CEP192: variants seen among roughly 807,000 people sequenced by gnomAD.
CEP192 encodes centrosomal protein of 192 kDa.
CEP192 carries 151 observed loss-of-function variants against 271.8 expected under a neutral mutation model. The observed-to-expected ratio is 0.56, with a 90% confidence interval of 0.49 to 0.64. The LOEUF is 0.64. Among genes scored for constraint, CEP192 ranks in the 30% least tolerant of loss-of-function variants. The probability of loss-of-function intolerance (pLI) is 0.00; values close to 1 mark genes in which losing one functional copy is unlikely to be tolerated. For synonymous variants in CEP192, 995 were observed against 1,076.5 expected (o/e 0.92, Z 1.48); for missense variants, 2,910 against 3,020.5 (o/e 0.96, Z 0.86).
intron 4 of CEP192, among the ~76,000 whole-genome samples, chr18:13,012,094 A>T (rs1301373671): frequency 6.6e-6 from 1 of 152,254 alleles, no homozygotes; most frequent in Admixed American, 6.5e-5. Context: ...GGAAATCTAT[A>T]GATACAGAAT....
At chr18:13,120,832 G>A (rs2040626038) in intron 44 of CEP192, among the ~76,000 whole-genome samples, 1 of 152,206 alleles carries the variant, frequency 6.6e-6, no homozygotes, top group African/African-American at 2.4e-5. Flanking sequence ...TAAAGTATGA[G>A]TAAGAAAATC....
chr18:13,069,265 T>C, intron 26 of CEP192, 84 bp downstream of exon 26: 2 of 1,176,510 alleles, frequency 1.7e-6, no homozygotes, highest in Non-Finnish European at 2.5e-6. Context: ...GTTGTGCTCT[T>C]CCTGGCCCAA....
chr18:13,011,192 A>C (rs1472014497), intron 4 of CEP192, among the ~76,000 whole-genome samples: 4 of 150,042 alleles, frequency 2.7e-5, no homozygotes, highest in Non-Finnish European at 4.4e-5. Flanking sequence ...GTGCCACTGC[A>C]TTCCAGCCTG....
chr18:13,030,611 A>T lies in CEP192; in HGVS notation c.1534+3A>T. On this transcript the variant is annotated splice_donor_region_variant and intron_variant, in intron 11 of 44. Coordinates refer to ENST00000506447, the MANE Select transcript of CEP192 (RefSeq NM_032142.4). ...GAATGAAGACTTCAGATCTGGTTGT[A>T]AGTATATGGATAAACATTTATTATA... 1 of 1,591,830 alleles carries T rather than the reference A, an allele frequency of 6.3e-7. No homozygotes were observed. Among genetic ancestry groups the T allele is most frequent in the Non-Finnish European group, 8.6e-7 (1 of 1,162,060 alleles).
chr18:13,050,831 C>T (rs541199098), intron 17 of CEP192, among the ~76,000 whole-genome samples: 10 of 152,264 alleles, frequency 6.6e-5, no homozygotes, highest in African/African-American at 1.7e-4. Context: ...CCACCTGCCT[C>T]GGCCTCCCAA....
chr18:13,084,988 T>G (rs963810103), intron 30 of CEP192, among the ~76,000 whole-genome samples: 9 of 150,062 alleles, frequency 6.0e-5, no homozygotes, highest in African/African-American at 1.7e-4. Flanking sequence ...GCTAATTTTT[T>G]GGGTTTTTTT....
At chr18:13,107,991 A>T (rs1046910766) in intron 40 of CEP192, among the ~76,000 whole-genome samples, 3 of 152,138 alleles carry the variant, frequency 2.0e-5, no homozygotes, top group Non-Finnish European at 2.9e-5. Flanking sequence ...CCAGAAATAA[A>T]GCCACAAACC....
At chr18:13,030,038 T>C in intron 10 of CEP192, 36 bp downstream of exon 10, 3 of 1,378,456 alleles carry the variant, frequency 2.2e-6, no homozygotes, top group South Asian at 1.3e-5. Flanking sequence ...GTGAAAGAAA[T>C]AGATGTTCAT....
intron 13 of CEP192, among the ~76,000 whole-genome samples, chr18:13,040,203 G>A (rs1398937104): frequency 1.3e-5 from 2 of 152,190 alleles, no homozygotes; most frequent in Non-Finnish European, 2.9e-5. Context: ...AAGTGATGAC[G>A]TTTTATTTGC....
intron 3 of CEP192, among the ~76,000 whole-genome samples, chr18:13,008,016 A>C (rs773666032): frequency 7.9e-5 from 12 of 152,256 alleles, no homozygotes; most frequent in Non-Finnish European, 1.8e-4. Context: ...GGTAGAAAGA[A>C]AGATAAGGAC....
chr18:13,083,382 A>C (rs1039666813), intron 30 of CEP192, among the ~76,000 whole-genome samples: 19 of 152,202 alleles, frequency 1.2e-4, no homozygotes, highest in Non-Finnish European at 1.5e-5. Flanking sequence ...AATCACTGAT[A>C]TCCTTTCGCC....
chr18:13,087,667 A>T, intron 32 of CEP192, 21 bp downstream of exon 32: 1 of 1,258,730 alleles, frequency 7.9e-7, no homozygotes, highest in South Asian at 1.4e-5. Context: ...TATCTTACAC[A>T]ATGTTGGGAA....
intron 3 of CEP192, 100 bp from the exon 4 acceptor site, chr18:13,008,356 T>G: frequency 1.3e-6 from 1 of 799,834 alleles, no homozygotes; most frequent in Non-Finnish European, 2.0e-6. Flanking sequence ...TTCCATTTTT[T>G]CTTTTTAAGA....
chr18:13,061,952 T>C (rs2037430935), intron 21 of CEP192, among the ~76,000 whole-genome samples: 1 of 152,218 alleles, frequency 6.6e-6, no homozygotes, highest in African/African-American at 2.4e-5. Flanking sequence ...TATATCAGAC[T>C]GTTGAGCCTA....
Position 13,040,989 on chromosome 18 carries a change from CT to C in CEP192, c.1936+41del, listed in dbSNP as rs747431646. On this transcript the variant is annotated intron_variant, in intron 14 of 44. Coordinates refer to ENST00000506447, the MANE Select transcript of CEP192 (RefSeq NM_032142.4). ...ATTCAATGAAGGGGCTTTTAGGAAT[CT>C]TTTTTTTCTTAAATGCGTAACTTAG... The C allele has an allele frequency of 1.7e-5, 26 of 1,572,176 alleles. No individual in the cohort carries two copies. In the African/African-American group the frequency reaches 1.8e-4, roughly 11 times the overall value.
chr18:13,038,083 C>G (rs528841633), intron 12 of CEP192, among the ~76,000 whole-genome samples: 79 of 151,724 alleles, frequency 5.2e-4, no homozygotes, highest in African/African-American at 1.9e-3. Flanking sequence ...ACATGAGTCT[C>G]CCATCTTGGC....
At chr18:13,078,231 C>T (rs1318483741) in intron 30 of CEP192, among the ~76,000 whole-genome samples, 1 of 152,134 alleles carries the variant, frequency 6.6e-6, no homozygotes, top group Non-Finnish European at 1.5e-5. Flanking sequence ...TGGTTTCTAG[C>T]TTCATCCATG....
intron 15 of CEP192, among the ~76,000 whole-genome samples, chr18:13,047,347 T>C (rs1253676348): frequency 1.3e-5 from 2 of 150,800 alleles, no homozygotes; most frequent in Non-Finnish European, 2.9e-5. Context: ...GGTATCTTTC[T>C]CTCCCTCAAA....
intron 30 of CEP192, among the ~76,000 whole-genome samples, chr18:13,083,576 G>A (rs930932319): frequency 3.9e-5 from 6 of 152,210 alleles, no homozygotes; most frequent in Non-Finnish European, 5.9e-5. Context: ...CCTTTAGCTC[G>A]GAGAAGTTTG....
Sources: allele counts gnomAD v4.1 joint callset (sites outside exome capture counted in the v4.1 genomes callset), GRCh38; gene constraint gnomAD v4.1.1; transcripts MANE v1.5; gene names NCBI Gene and HGNC (gene_info 2026-07-23, HGNC 2026-07-21).